The following HDGFL3 variants were observed in gnomAD, a reference collection of about 807,000 sequenced individuals.
HDGFL3 encodes the protein hepatoma-derived growth factor-related protein 3.
A neutral mutation model predicts 27.6 loss-of-function variants in HDGFL3; 6 were observed. The ratio of observed to expected loss-of-function variants is 0.22; its 90% CI spans 0.12 to 0.43. The LOEUF (loss-of-function observed/expected upper bound fraction) is 0.43. HDGFL3 is among the 20% of genes least tolerant of loss of function. The pLI is 1.00. For synonymous variants in HDGFL3, 88 were observed against 88.9 expected (o/e 0.99, Z 0.05); for missense variants, 207 against 250.1 (o/e 0.83, Z 1.16).
In HDGFL3 at chr15:83,200,238, C is replaced by T. The variant is rs372032680; in HGVS notation, c.84+7093G>A. ...GTGGGCACCTGTAGTCCTAGCTACT[C>T]GGGAGGCTGAGGCAGGAACCCGGGA... On this transcript the variant is annotated intron_variant, in intron 1 of 5. Coordinates refer to ENST00000299633, the MANE Select transcript of HDGFL3 (RefSeq NM_016073.4). Among the ~76,000 whole-genome samples, 8 of 149,684 alleles carry T rather than the reference C, an allele frequency of 5.3e-5. No homozygotes were observed. In the East Asian group the frequency reaches 9.9e-4, roughly 19 times the overall value.
rs985284086 is a variant in HDGFL3 at position 83,135,957 on chromosome 15, C to T, written c.*3313G>A. 1 of 152,124 alleles carries T rather than the reference C, an allele frequency of 6.6e-6. No individual in the cohort carries two copies. The highest frequency in any genetic ancestry group is 1.5e-5 in the Non-Finnish European group (1 of 68,058). The allele number at this position is 152,124 out of a possible 1,614,324, so 9.4% of individuals were successfully genotyped here. On this transcript the variant is annotated 3_prime_UTR_variant, in exon 6 of 6. Coordinates refer to ENST00000299633, the MANE Select transcript of HDGFL3 (RefSeq NM_016073.4). Reference sequence around the variant, plus strand: ...AGGGAAAGGGTATGAGCTCTTGCTGCAAGGAGTAGATGAAAGACTGATAAA... The same window carrying T: ...AGGGAAAGGGTATGAGCTCTTGCTGTAAGGAGTAGATGAAAGACTGATAAA...
At chr15:83,190,603 T>A (rs189182303) in intron 1 of HDGFL3, among the ~76,000 whole-genome samples, 1 of 152,302 alleles carries the variant, frequency 6.6e-6, no homozygotes, top group East Asian at 1.9e-4. Flanking sequence ...TGGCTGTTCA[T>A]GTCTTTTGCC....
At chr15:83,184,667 T>C (rs889727105) in intron 1 of HDGFL3, 1 of 152,198 alleles carries the variant, frequency 6.6e-6, no homozygotes, top group African/African-American at 2.4e-5. Flanking sequence ...TTTGGTTTAA[T>C]ATATTAGGTA....
chr15:83,127,404 TG>T, downstream of HDGFL3: 3 of 1,614,082 alleles, frequency 1.9e-6, no homozygotes, highest in Non-Finnish European at 2.5e-6. Context: ...GTGACTGCAC[TG>T]TATGGCTTAG....
intron 3 of HDGFL3, chr15:83,122,652 G>T: frequency 1.5e-6 from 2 of 1,291,966 alleles, no homozygotes; most frequent in South Asian, 1.4e-5. Flanking sequence ...ATATTGTCTG[G>T]CCCATAGCAA....
rs1407571940 is a variant in HDGFL3 at position 83,135,115 on chromosome 15, A to T, written c.*4155T>A. ...GCAATACATCATGCTAATTTAATTTATATCTCCAGAGTAGCAAAAATGTAC... is the reference window on the plus strand; with the variant it reads ...GCAATACATCATGCTAATTTAATTTTTATCTCCAGAGTAGCAAAAATGTAC... On this transcript the variant is annotated 3_prime_UTR_variant, in exon 6 of 6. Transcript: ENST00000299633. 1 of 152,206 alleles carries T rather than the reference A, an allele frequency of 6.6e-6. No homozygotes were observed. The highest frequency in any genetic ancestry group is 2.4e-5 in the African/African-American group (1 of 41,468). The allele number at this position is 152,206 out of a possible 1,614,324, so 9.4% of individuals were successfully genotyped here. A position where few individuals can be genotyped will look rare whatever the true frequency, so the allele number is the denominator to read the frequency against.
At chr15:83,188,067 A>G (rs2037467966) in intron 1 of HDGFL3, among the ~76,000 whole-genome samples, 1 of 152,138 alleles carries the variant, frequency 6.6e-6, no homozygotes, top group South Asian at 2.1e-4. Context: ...TTACATTTCA[A>G]CCAAAGTATG....
At chr15:83,201,191 T>C (rs2037641195) in intron 1 of HDGFL3, among the ~76,000 whole-genome samples, 1 of 151,966 alleles carries the variant, frequency 6.6e-6, no homozygotes, top group South Asian at 2.1e-4. Context: ...ACTAGTTTTT[T>C]TTTTTAAAGT....
Position 83,136,641 on chromosome 15 carries a change from TA to T in HDGFL3, c.*2628del, listed in dbSNP as rs2036634153. 4 of 1,599,714 alleles carry T rather than the reference TA, an allele frequency of 2.5e-6. No individual in the cohort carries two copies. In the South Asian group the frequency reaches 3.4e-5, roughly 14 times the overall value. On this transcript the variant is annotated 3_prime_UTR_variant, in exon 6 of 6. Coordinates refer to ENST00000299633, the MANE Select transcript of HDGFL3 (RefSeq NM_016073.4). ...TGTATCTACAAACCAGAGTTCTTCA[TA>T]AAAACAAAGGCAGAAGAAAAAGTGG... is the stretch of plus-strand genomic sequence containing the variant.
chr15:83,201,063 T>C (rs1251813002), intron 1 of HDGFL3, among the ~76,000 whole-genome samples: 1 of 152,114 alleles, frequency 6.6e-6, no homozygotes, highest in Non-Finnish European at 1.5e-5. Flanking sequence ...TTCCCCCTTT[T>C]ACATAGTTGC....
intron 1 of HDGFL3, among the ~76,000 whole-genome samples, chr15:83,197,225 C>A (rs2037581529): frequency 6.6e-6 from 1 of 152,182 alleles, no homozygotes; most frequent in South Asian, 2.1e-4. Context: ...TCTTGAACAC[C>A]TGGCATATCA....
Position 83,129,146 on chromosome 15 carries a change from A to C in HDGFL3, c.*10124T>G, listed in dbSNP as rs555812865. ...CACCCAACCAGGTCCAGTTAGTTTTACTCCAGTGATTCTCCAACCCATTTT... is the reference window on the plus strand; with the variant it reads ...CACCCAACCAGGTCCAGTTAGTTTTCCTCCAGTGATTCTCCAACCCATTTT... On this transcript the variant is annotated 3_prime_UTR_variant, in exon 6 of 6. Transcript: ENST00000299633. 2.0e-5 allele frequency: 3 copies of C among 151,076 alleles called. No homozygotes were observed. Among genetic ancestry groups the C allele is most frequent in the African/African-American group, 7.3e-5 (3 of 41,166 alleles). 9.4% of individuals were successfully genotyped at this position (151,076 alleles called of 1,614,324 possible). A position where few individuals can be genotyped will look rare whatever the true frequency, so the allele number is the denominator to read the frequency against.
intron 1 of HDGFL3, among the ~76,000 whole-genome samples, chr15:83,201,658 T>C (rs956091353): frequency 1.3e-5 from 2 of 152,170 alleles, no homozygotes; most frequent in Non-Finnish European, 1.5e-5. Context: ...CAATCTCTAA[T>C]AGTAGAAAAC....
intron 3 of HDGFL3, among the ~76,000 whole-genome samples, 155 bp downstream of exon 3, chr15:83,157,748 A>C (rs1356441851): frequency 6.6e-6 from 1 of 152,242 alleles, no homozygotes; most frequent in Non-Finnish European, 1.5e-5. Flanking sequence ...AACCCTTCTG[A>C]TTAAGAATTA....
chr15:83,152,380 C>T (rs2036974591), intron 4 of HDGFL3, among the ~76,000 whole-genome samples: 1 of 151,622 alleles, frequency 6.6e-6, no homozygotes, highest in Non-Finnish European at 1.5e-5. Flanking sequence ...GCCAACATGG[C>T]AAAACCCTGT....
At chr15:83,115,911 T>C (rs914298434) in intron 3 of HDGFL3, 2 of 1,614,056 alleles carry the variant, frequency 1.2e-6, no homozygotes, top group South Asian at 1.1e-5. Flanking sequence ...GATGGAATCA[T>C]TGACGGGTTC....
chr15:83,164,038 G>A lies in HDGFL3; in HGVS notation c.122C>T (p.Ala41Val). Residue 41 changes from alanine to valine, a missense_variant, in exon 2 of 6, where the codon GCA becomes GTA. Transcript: ENST00000299633. ...AAAAAAGAAGATAGGATACTTGTTT[G>A]CTGGAGGCTTCACAGCGCCCTCTGG... ...ELPEGAVKPP[A>V]NKYPIFFFGT... is the part of the protein sequence containing the mutation. 1.2e-6 allele frequency: 2 copies of A among 1,611,346 alleles called. No individual in the cohort carries two copies. The highest frequency in any genetic ancestry group is 2.2e-5 in the East Asian group (1 of 44,744).
exon 4 of HDGFL3, chr15:83,113,034 C>T (rs2034331613): frequency 1.3e-6 from 1 of 747,998 alleles, no homozygotes; most frequent in Non-Finnish European, 2.3e-6. Flanking sequence ...AGGGGTGTTT[C>T]AGGACAATCT....
chr15:83,191,073 T>A (rs928888010), intron 1 of HDGFL3, among the ~76,000 whole-genome samples: 1 of 152,208 alleles, frequency 6.6e-6, no homozygotes, highest in Admixed American at 6.5e-5. Flanking sequence ...AAGAATTCCA[T>A]CTATCTGTGG....
Sources: allele counts gnomAD v4.1 joint callset (sites outside exome capture counted in the v4.1 genomes callset), GRCh38; gene constraint gnomAD v4.1.1; transcripts MANE v1.5; gene names NCBI Gene and HGNC (gene_info 2026-07-23, HGNC 2026-07-21).